Variants in HEMK2 observed in about 807,000 individuals in gnomAD.
HEMK2 encodes the protein HemK methyltransferase 2, ETF1 glutamine and histone H4 lysine.
chr21:28,781,885 G>A, the HEMK2 span, among the ~76,000 whole-genome samples: 2 of 152,206 alleles, frequency 1.3e-5, no homozygotes, highest in Non-Finnish European at 2.9e-5. Flanking sequence ...AGGCTTCTAG[G>A]TAAACAGACA....
chr21:28,788,001 G>A, the HEMK2 span, among the ~76,000 whole-genome samples: 1 of 151,562 alleles, frequency 6.6e-6, no homozygotes, highest in African/African-American at 2.4e-5. Context: ...ACTATGGTAT[G>A]TATATATATA....
chr21:28,660,443 T>G, the HEMK2 span, among the ~76,000 whole-genome samples: 7 of 151,542 alleles, frequency 4.6e-5, no homozygotes, highest in Non-Finnish European at 8.9e-5. Flanking sequence ...CTTTATCAGA[T>G]TGTGAATTTT....
At chr21:28,668,073 A>T in the HEMK2 span, among the ~76,000 whole-genome samples, 1 of 152,206 alleles carries the variant, frequency 6.6e-6, no homozygotes, top group Non-Finnish European at 1.5e-5. Context: ...GTCCTGGTCA[A>T]ATCTCGTTAT....
At chr21:28,791,584 A>G in the HEMK2 span, among the ~76,000 whole-genome samples, 1 of 152,208 alleles carries the variant, frequency 6.6e-6, no homozygotes, top group Non-Finnish European at 1.5e-5. Context: ...GTTAATGTTT[A>G]ATAGAAACAT....
At chr21:28,613,619 C>CTTTTTTTTTTTTTTTTTTTT in the HEMK2 span, among the ~76,000 whole-genome samples, 74 of 82,704 alleles carry the variant, frequency 8.9e-4, 13 homozygotes, top group African/African-American at 3.4e-3. Flanking sequence ...TCTGCATATT[C>CTTTTTTTTTTTTTTTTTTTT]TTTTTTTTTT....
the HEMK2 span, among the ~76,000 whole-genome samples, chr21:28,700,830 AAC>A: frequency 1.3e-5 from 2 of 150,708 alleles, no homozygotes; most frequent in Non-Finnish European, 3.0e-5. Context: ...AGCTTGCAGA[AAC>A]ACACACACAC....
At chr21:28,697,778 C>CAAAAAAAAAAAAAAAAAA in the HEMK2 span, among the ~76,000 whole-genome samples, 1 of 79,554 alleles carries the variant, frequency 1.3e-5, no homozygotes. Flanking sequence ...ATCATGAGCC[C>CAAAAAAAAAAAAAAAAAA]AAAAAAAAAA....
At chr21:28,819,657 C>T in the HEMK2 span, among the ~76,000 whole-genome samples, 1 of 150,992 alleles carries the variant, frequency 6.6e-6, no homozygotes, top group South Asian at 2.1e-4. Flanking sequence ...AGCGATTCTC[C>T]TGCCTCAGCC....
chr21:28,618,092 C>T, the HEMK2 span, among the ~76,000 whole-genome samples: 1 of 152,214 alleles, frequency 6.6e-6, no homozygotes, highest in African/African-American at 2.4e-5. Flanking sequence ...CCAGCCTTGG[C>T]TGTTTTAAAG....
the HEMK2 span, among the ~76,000 whole-genome samples, chr21:28,619,417 A>G: frequency 6.6e-6 from 1 of 152,232 alleles, no homozygotes; most frequent in Admixed American, 6.5e-5. Flanking sequence ...ATAACAAATT[A>G]AAGCCAAAGC....
At chr21:28,818,025 ATGCAAAGTAT>A in the HEMK2 span, among the ~76,000 whole-genome samples, 2 of 152,218 alleles carry the variant, frequency 1.3e-5, no homozygotes, top group Non-Finnish European at 2.9e-5. Context: ...GGATTGAAGC[ATGCAAAGTAT>A]TGTTCCTAGG....
chr21:28,766,139 C>T, the HEMK2 span, among the ~76,000 whole-genome samples: 2 of 152,110 alleles, frequency 1.3e-5, no homozygotes, highest in East Asian at 3.9e-4. Flanking sequence ...GAACATCACA[C>T]ACCAGGGCCT....
chr21:28,827,502 T>C, the HEMK2 span, among the ~76,000 whole-genome samples: 3 of 152,186 alleles, frequency 2.0e-5, no homozygotes, highest in Non-Finnish European at 4.4e-5. Context: ...CTACACTGAG[T>C]GTTTTGCACA....
the HEMK2 span, among the ~76,000 whole-genome samples, chr21:28,742,132 G>A: frequency 8.6e-4 from 131 of 152,304 alleles, no homozygotes; most frequent in Middle Eastern, 3.4e-3. Flanking sequence ...GTCTATGGCT[G>A]CTTTCAGGGT....
the HEMK2 span, chr21:28,878,079 G>T: frequency 2.1e-6 from 2 of 948,760 alleles, no homozygotes; most frequent in South Asian, 1.9e-5. Flanking sequence ...GTGATTAACT[G>T]TTTTAAGTGA....
the HEMK2 span, among the ~76,000 whole-genome samples, chr21:28,812,484 A>C: frequency 6.6e-6 from 1 of 152,212 alleles, no homozygotes; most frequent in Admixed American, 6.5e-5. Flanking sequence ...CCCAGGGATG[A>C]AGCCAACTTG....
At chr21:28,841,768 C>T in the HEMK2 span, among the ~76,000 whole-genome samples, 2 of 151,850 alleles carry the variant, frequency 1.3e-5, no homozygotes, top group Admixed American at 6.6e-5. Flanking sequence ...AAAGAACTTA[C>T]TCATGTAACC....
the HEMK2 span, among the ~76,000 whole-genome samples, chr21:28,758,995 G>T: frequency 6.6e-6 from 1 of 152,170 alleles, no homozygotes; most frequent in Non-Finnish European, 1.5e-5. Context: ...TTTTCAAAAT[G>T]CAATTGTCAC....
the HEMK2 span, among the ~76,000 whole-genome samples, chr21:28,669,725 A>G: frequency 6.6e-6 from 1 of 152,246 alleles, no homozygotes; most frequent in African/African-American, 2.4e-5. Flanking sequence ...AAGAGCAGTT[A>G]GATCAATCCA....
Sources: gnomAD v4.1 joint callset for allele counts (sites outside exome capture counted in the v4.1 genomes callset) on GRCh38, gnomAD v4.1.1 for gene constraint, MANE v1.5 for transcripts, NCBI Gene and HGNC (gene_info 2026-07-23, HGNC 2026-07-21) for gene names.